GABRB2: variants seen among roughly 807,000 people sequenced by gnomAD.
GABRB2 encodes the protein gamma-aminobutyric acid receptor subunit beta-2.
A neutral mutation model predicts 54.7 loss-of-function variants in GABRB2; 16 were observed. That is an observed-to-expected ratio of 0.29 (90% CI 0.20 to 0.44). The LOEUF is 0.44. Among genes scored for constraint, GABRB2 ranks in the 20% least tolerant of loss-of-function variants. GABRB2 has a pLI of 1.00. For missense variants in GABRB2, 355 were observed against 644.0 expected, an observed-to-expected ratio of 0.55 and a Z score of 4.86; for synonymous variants, 244 against 233.8, an observed-to-expected ratio of 1.04 and a Z score of -0.40.
At chr5:161,492,120 C>T (rs1358855719) in intron 3 of GABRB2, among the ~76,000 whole-genome samples, 3 of 151,686 alleles carry the variant, frequency 2.0e-5, no homozygotes, top group East Asian at 3.9e-4. Flanking sequence ...AGAACTTATG[C>T]CTTTACTGTA....
chr5:161,445,341 T>C (rs1416195817), intron 4 of GABRB2, among the ~76,000 whole-genome samples: 4 of 152,180 alleles, frequency 2.6e-5, no homozygotes, highest in African/African-American at 4.8e-5. Flanking sequence ...TTAGGACTAC[T>C]GTATTTTCAT....
At chr5:161,337,764 A>G (rs1214216971) in intron 5 of GABRB2, among the ~76,000 whole-genome samples, 1 of 152,122 alleles carries the variant, frequency 6.6e-6, no homozygotes, top group Non-Finnish European at 1.5e-5. Flanking sequence ...GAATATTAAT[A>G]ATATCTTACA....
At chr5:161,342,355 G>A (rs1193419917) in intron 5 of GABRB2, among the ~76,000 whole-genome samples, 1 of 151,914 alleles carries the variant, frequency 6.6e-6, no homozygotes, top group African/African-American at 2.4e-5. Context: ...ATGTTGTATA[G>A]TTACTATTAT....
At chr5:161,345,840 A>G (rs996886017) in intron 5 of GABRB2, among the ~76,000 whole-genome samples, 2 of 152,086 alleles carry the variant, frequency 1.3e-5, no homozygotes, top group Non-Finnish European at 2.9e-5. Flanking sequence ...GTCCTTCTCT[A>G]TAGCTCTTTT....
At chr5:161,485,954 G>T (rs947481217) in intron 3 of GABRB2, among the ~76,000 whole-genome samples, 25 of 151,866 alleles carry the variant, frequency 1.6e-4, no homozygotes, top group African/African-American at 6.0e-4. Context: ...CCAAAAGATG[G>T]AAAATGGTTG....
At chr5:161,449,883 G>A (rs535423797) in intron 4 of GABRB2, among the ~76,000 whole-genome samples, 12 of 151,746 alleles carry the variant, frequency 7.9e-5, no homozygotes, top group Middle Eastern at 3.4e-3. Flanking sequence ...TTCTTTCCAC[G>A]TTCACAGTAT....
chr5:161,357,531 A>G (rs758102560), intron 5 of GABRB2, among the ~76,000 whole-genome samples: 2 of 151,912 alleles, frequency 1.3e-5, no homozygotes, highest in South Asian at 4.2e-4. Flanking sequence ...AAAAAAAAAA[A>G]AAATGATATG....
chr5:161,330,074 A>AT (rs1217691806), intron 8 of GABRB2: 7 of 152,134 alleles, frequency 4.6e-5, no homozygotes, highest in African/African-American at 1.7e-4. Flanking sequence ...ATCAAATCAG[A>AT]TTTTCTGGGG....
At chr5:161,294,479 G>A in intron 9 of GABRB2, 51 bp from the exon 10 acceptor site, 1 of 1,493,318 alleles carries the variant, frequency 6.7e-7, no homozygotes, top group Non-Finnish European at 9.2e-7. Context: ...AGCTTTACAG[G>A]TGCTTACTAG....
At chr5:161,526,875 T>G (rs560601672) in intron 3 of GABRB2, among the ~76,000 whole-genome samples, 1 of 151,506 alleles carries the variant, frequency 6.6e-6, no homozygotes, top group South Asian at 2.1e-4. Context: ...TAACAGAACA[T>G]GTATAAAACA....
chr5:161,468,449 C>T (rs760381376), intron 3 of GABRB2, among the ~76,000 whole-genome samples: 1 of 152,026 alleles, frequency 6.6e-6, no homozygotes, highest in Non-Finnish European at 1.5e-5. Context: ...CAGGCTATGT[C>T]CCCAAGCATG....
intron 5 of GABRB2, among the ~76,000 whole-genome samples, chr5:161,338,675 A>T (rs1236404710): frequency 6.6e-6 from 1 of 152,010 alleles, no homozygotes; most frequent in East Asian, 1.9e-4. Flanking sequence ...TTATAGTCCT[A>T]TCTACTTGGG....
chr5:161,516,080 A>C lies in GABRB2; in HGVS notation c.237+29147T>G, dbSNP rs111729750. ...GAGTCTTCACTCTGACATTTACTACATAAGTATTTTACTTTATCTCTCACC... is the reference window on the plus strand; with the variant it reads ...GAGTCTTCACTCTGACATTTACTACCTAAGTATTTTACTTTATCTCTCACC... On this transcript the variant is annotated intron_variant, in intron 3 of 9. Coordinates refer to ENST00000393959, the MANE Select transcript of GABRB2 (RefSeq NM_001371727.1). Among the ~76,000 whole-genome samples, 870 of 152,332 alleles carry C rather than the reference A, an allele frequency of 5.7e-3. 8 individuals carry two copies. The highest frequency in any genetic ancestry group is 0.02 in the African/African-American group (813 of 41,576).
intron 3 of GABRB2, 56 bp downstream of exon 3, chr5:161,545,171 C>T: frequency 1.4e-6 from 2 of 1,417,828 alleles, no homozygotes; most frequent in Non-Finnish European, 2.0e-6. Context: ...CTCATTTCTC[C>T]TTCCTGTCCC....
rs573084116 is a variant in GABRB2 at position 161,370,047 on chromosome 5, T to G, written c.542-33278A>C. Reference sequence around the variant, plus strand: ...TTATCATCTCAGTGATGGCTAAAGTTCAGTATGATGAAACTTTCAGCAGGG... The same window carrying G: ...TTATCATCTCAGTGATGGCTAAAGTGCAGTATGATGAAACTTTCAGCAGGG... On this transcript the variant is annotated intron_variant, in intron 5 of 9. Coordinates refer to ENST00000393959, the MANE Select transcript of GABRB2 (RefSeq NM_001371727.1). Among the ~76,000 whole-genome samples the G allele has an allele frequency of 2.6e-5, 4 of 152,226 alleles. No individual in the cohort carries two copies. In the East Asian group the frequency reaches 7.7e-4, roughly 29 times the overall value.
At chr5:161,511,222 C>A (rs1459492052) in intron 3 of GABRB2, among the ~76,000 whole-genome samples, 1 of 151,898 alleles carries the variant, frequency 6.6e-6, no homozygotes, top group African/African-American at 2.4e-5. Context: ...AAAGACAGAT[C>A]AAAGTTCCTA....
intron 9 of GABRB2, among the ~76,000 whole-genome samples, chr5:161,322,673 T>C (rs1344015194): frequency 6.6e-6 from 1 of 152,234 alleles, no homozygotes; most frequent in African/African-American, 2.4e-5. Context: ...CTGTTCTGTA[T>C]ATTTATTATG....
At chr5:161,486,790 C>T (rs1310577429) in intron 3 of GABRB2, among the ~76,000 whole-genome samples, 1 of 151,914 alleles carries the variant, frequency 6.6e-6, no homozygotes, top group African/African-American at 2.4e-5. Context: ...GGCTTCAGCT[C>T]AACACTGGCA....
At chr5:161,484,613 T>C (rs1581024894) in intron 3 of GABRB2, among the ~76,000 whole-genome samples, 1 of 152,048 alleles carries the variant, frequency 6.6e-6, no homozygotes, top group Admixed American at 6.6e-5. Flanking sequence ...TACTAGGCTA[T>C]GTATACAACT....
Sources: gnomAD v4.1 joint callset for allele counts (sites outside exome capture counted in the v4.1 genomes callset) on GRCh38, gnomAD v4.1.1 for gene constraint, MANE v1.5 for transcripts, NCBI Gene and HGNC (gene_info 2026-07-23, HGNC 2026-07-21) for gene names.